The following TUSC3 variants were observed in gnomAD, a reference collection of about 807,000 sequenced individuals.
TUSC3 encodes the protein tumor suppressor candidate 3.
TUSC3 carries 45 observed loss-of-function variants against 44.8 expected under a neutral mutation model. That is an observed-to-expected ratio of 1.00 (90% CI 0.79 to 1.29). The LOEUF is 1.29. TUSC3 is among the 50% of genes most tolerant of loss of function. The probability of loss-of-function intolerance (pLI) is 0.00; values close to 1 mark genes in which losing one functional copy is unlikely to be tolerated. For missense variants in TUSC3, 519 were observed against 437.9 expected, an observed-to-expected ratio of 1.19 and a Z score of -1.65; for synonymous variants, 212 against 152.9, an observed-to-expected ratio of 1.39 and a Z score of -2.85.
intron 9 of TUSC3, among the ~76,000 whole-genome samples, chr8:15,749,792 G>A (rs994921604): frequency 1.4e-5 from 2 of 147,348 alleles, no homozygotes; most frequent in Admixed American, 6.9e-5. Context: ...TGTATGATTG[G>A]TACTTAGTTT....
intron 1 of TUSC3, among the ~76,000 whole-genome samples, chr8:15,419,085 A>G (rs903228657): frequency 6.6e-6 from 1 of 152,192 alleles, no homozygotes; most frequent in African/African-American, 2.4e-5. Context: ...TTACAATGAT[A>G]CATTTCCCTC....
intron 3 of TUSC3, among the ~76,000 whole-genome samples, chr8:15,656,390 C>T (rs1226032654): frequency 6.6e-6 from 1 of 152,150 alleles, no homozygotes; most frequent in Non-Finnish European, 1.5e-5. Flanking sequence ...AATGGTAGAA[C>T]AGGCATTGAA....
chr8:15,746,590 G>A (rs1811425570), intron 8 of TUSC3, among the ~76,000 whole-genome samples: 1 of 151,874 alleles, frequency 6.6e-6, no homozygotes. Flanking sequence ...TACTTGAGTA[G>A]CATTATTTTG....
In TUSC3 at chr8:15,639,041, C is replaced by G. The variant is rs550539463; in HGVS notation, c.309-11656C>G. ...TGTCGATGCTAGATCACGTGATGTT[C>G]AGGGCTCCAGTGATGATCATGTGCT... is the stretch of plus-strand genomic sequence containing the variant. On this transcript the variant is annotated intron_variant, in intron 2 of 10. Coordinates refer to ENST00000503731, the MANE Select transcript of TUSC3 (RefSeq NM_006765.4). 2.1e-5 allele frequency among the ~76,000 whole-genome samples: 3 copies of G among 144,106 alleles called. No individual in the cohort carries two copies. The East Asian group carries it at 6.3e-4, about 30-fold the overall frequency. 94.5% of individuals were successfully genotyped at this position (144,106 alleles called of 152,430 possible). A position where few individuals can be genotyped will look rare whatever the true frequency, so the allele number is the denominator to read the frequency against.
At chr8:15,582,569 A>G (rs951404389) in intron 1 of TUSC3, among the ~76,000 whole-genome samples, 5 of 152,192 alleles carry the variant, frequency 3.3e-5, no homozygotes, top group Admixed American at 1.3e-4. Flanking sequence ...GGTCCTATAA[A>G]TAACATTGTG....
intron 2 of TUSC3, among the ~76,000 whole-genome samples, chr8:15,514,072 C>T (rs1052073089): frequency 1.2e-4 from 19 of 152,120 alleles, no homozygotes; most frequent in African/African-American, 4.1e-4. Flanking sequence ...TTCTATGCGC[C>T]ACCACTTCCC....
intron 6 of TUSC3, among the ~76,000 whole-genome samples, chr8:15,725,775 T>C (rs1208803562): frequency 6.6e-6 from 1 of 152,182 alleles, no homozygotes; most frequent in African/African-American, 2.4e-5. Flanking sequence ...GTCTTACTCA[T>C]GAAACCCAGG....
At chr8:15,480,258 A>C (rs1181592310) in intron 1 of TUSC3, among the ~76,000 whole-genome samples, 1 of 152,254 alleles carries the variant, frequency 6.6e-6, no homozygotes, top group Non-Finnish European at 1.5e-5. Context: ...CATATTGCCC[A>C]AAGTAATTTG....
At chr8:15,849,211 T>C in the TUSC3 span, among the ~76,000 whole-genome samples, 107,274 of 152,002 alleles carry the variant, frequency 0.71, 38,085 homozygotes, top group Non-Finnish European at 0.75. Context: ...ACGTATTCCA[T>C]ATCTAATGCC....
upstream of TUSC3, chr8:15,540,098 C>T (rs573550821): frequency 3.7e-4 from 109 of 291,766 alleles, no homozygotes; most frequent in African/African-American, 2.4e-3. Flanking sequence ...GATTGAGGTC[C>T]CAGGGCCAAA....
intron 6 of TUSC3, among the ~76,000 whole-genome samples, chr8:15,698,652 A>G (rs1247718101): frequency 6.6e-6 from 1 of 152,202 alleles, no homozygotes; most frequent in Non-Finnish European, 1.5e-5. Flanking sequence ...ATCTGACAAT[A>G]TTAGATATTT....
chr8:15,521,465 G>A (rs753497185), intron 2 of TUSC3, among the ~76,000 whole-genome samples: 3 of 152,114 alleles, frequency 2.0e-5, no homozygotes, highest in Admixed American at 6.6e-5. Flanking sequence ...AGCCATAATA[G>A]CAGTTTCATT....
chr8:15,664,782 TTAAATA>T lies in TUSC3; in HGVS notation c.708+2489_708+2494del, dbSNP rs1420829609. On this transcript the variant is annotated intron_variant, in intron 5 of 10. Coordinates refer to ENST00000503731, the MANE Select transcript of TUSC3 (RefSeq NM_006765.4). ...TCCTTAAATCATTTAAAAAATGAGA[TTAAATA>T]TATAATATATAATTTACATTATATG... Among the ~76,000 whole-genome samples, 5 of 149,430 alleles carry T rather than the reference TTAAATA, an allele frequency of 3.3e-5. No homozygotes were observed. In the East Asian group the frequency reaches 9.7e-4, roughly 29 times the overall value.
At chr8:15,556,012 T>TTA (rs1802250651) in intron 1 of TUSC3, among the ~76,000 whole-genome samples, 1 of 151,342 alleles carries the variant, frequency 6.6e-6, no homozygotes, top group African/African-American at 2.4e-5. Context: ...TTTTTTATTT[T>TTA]TTTTTTATTA....
chr8:15,545,913 A>G (rs565750997), intron 1 of TUSC3, among the ~76,000 whole-genome samples: 16 of 151,854 alleles, frequency 1.1e-4, no homozygotes, highest in Non-Finnish European at 2.2e-4. Context: ...ATCTCAGACT[A>G]TCAGATATCT....
chr8:15,620,189 G>T (rs981099190), intron 1 of TUSC3, among the ~76,000 whole-genome samples: 1 of 152,156 alleles, frequency 6.6e-6, no homozygotes, highest in African/African-American at 2.4e-5. Context: ...TCTGTTGAGG[G>T]TATAGTGAAT....
the TUSC3 span, among the ~76,000 whole-genome samples, chr8:15,830,661 G>A: frequency 6.6e-5 from 10 of 152,094 alleles, no homozygotes; most frequent in Non-Finnish European, 4.4e-5. Flanking sequence ...CTTAAAAACA[G>A]AAAATTAAAT....
chr8:15,735,591 G>C (rs879759749), intron 7 of TUSC3, among the ~76,000 whole-genome samples: 2 of 152,158 alleles, frequency 1.3e-5, no homozygotes, highest in Non-Finnish European at 2.9e-5. Flanking sequence ...AAACCTCTGT[G>C]GTGAATAGGC....
At chr8:15,452,649 T>C (rs1193375854) in intron 1 of TUSC3, among the ~76,000 whole-genome samples, 2 of 152,180 alleles carry the variant, frequency 1.3e-5, no homozygotes, top group Non-Finnish European at 2.9e-5. Context: ...CCAGGACACG[T>C]AGCTCTCCTG....
Sources: gnomAD v4.1 joint callset for allele counts (sites outside exome capture counted in the v4.1 genomes callset) on GRCh38, gnomAD v4.1.1 for gene constraint, MANE v1.5 for transcripts, NCBI Gene and HGNC (gene_info 2026-07-23, HGNC 2026-07-21) for gene names.